Variants in CCDC7 observed in about 807,000 individuals in gnomAD.
The protein encoded by CCDC7 is coiled-coil domain-containing protein 7.
CCDC7 carries 183 observed loss-of-function variants against 196.9 expected under a neutral mutation model. The ratio of observed to expected loss-of-function variants is 0.93; its 90% CI spans 0.82 to 1.05. CCDC7 has a LOEUF of 1.05. Ranked by LOEUF, CCDC7 falls within the 50% of genes least tolerant of loss-of-function variation. CCDC7 has a pLI of 0.00. For missense variants in CCDC7, 1,540 were observed against 1,482.2 expected, an observed-to-expected ratio of 1.04 and a Z score of -0.64; for synonymous variants, 525 against 484.6, an observed-to-expected ratio of 1.08 and a Z score of -1.10.
rs150964381 is a variant in CCDC7, at chr10:32,764,507, T to A, written c.2906-14470T>A. On this transcript the variant is annotated intron_variant, in intron 28 of 41. Coordinates refer to ENST00000639629, the Ensembl canonical transcript of CCDC7. The stretch of plus-strand genomic sequence containing the variant: ...TTGCAGCATGGAGGTTAGAAAGGAC[T>A]GTAACGGTCAGTTTGGTTGGCTGAA... 3.2e-4 allele frequency among the ~76,000 whole-genome samples: 48 copies of A among 152,042 alleles called. No individual in the cohort carries two copies. In the East Asian group the frequency reaches 4.8e-3, roughly 15 times the overall value.
rs776491257 is a variant in CCDC7 at position 32,567,891 on chromosome 10, G to T, written c.1419G>T (p.Gln473His). 2.5e-6 allele frequency: 4 copies of T among 1,609,558 alleles called. No individual in the cohort carries two copies. The African/African-American group carries it at 5.4e-5, about 22-fold the overall frequency. The change falls in exon 15 of 42, where the codon CAG (glutamine) becomes CAT (histidine). Residue 473 changes from glutamine to histidine, a missense_variant and splice_region_variant. By Grantham distance (24) the Gln-to-His change is conservative. Transcript: ENST00000639629. ...GTGATAAAATCCAAGAATATCCACA[G>T]GTGAGGAAATAACCAAAATGGAGAC...
At chr10:32,698,957 AG>A (rs2078178468) in intron 24 of CCDC7, among the ~76,000 whole-genome samples, 1 of 152,200 alleles carries the variant, frequency 6.6e-6, no homozygotes, top group African/African-American at 2.4e-5. Context: ...CTGGAGAGAA[AG>A]TTCGGGTTAA....
chr10:32,622,404 G>A (rs192988393), intron 18 of CCDC7, among the ~76,000 whole-genome samples: 103 of 151,768 alleles, frequency 6.8e-4, no homozygotes, highest in African/African-American at 2.2e-3. Flanking sequence ...AACTCCATTC[G>A]AGCCTTCTCC....
At position 32,550,945 on chromosome 10, in the gene CCDC7, A is replaced by G. The variant is rs541867806; in HGVS notation, c.1134+6644A>G. On this transcript the variant is annotated intron_variant, in intron 13 of 41. Transcript: ENST00000639629. Reference sequence around the variant, plus strand: ...ATTAGGGAGGGTTCCTTCTTTCTCTATCTTAAGGAATAGTGTCAAAAGGAT... The same window carrying G: ...ATTAGGGAGGGTTCCTTCTTTCTCTGTCTTAAGGAATAGTGTCAAAAGGAT... 1.5e-3 allele frequency among the ~76,000 whole-genome samples: 221 copies of G among 152,128 alleles called. 1 individual carries two copies. Among genetic ancestry groups the G allele is most frequent in the African/African-American group, 5.0e-3 (209 of 41,518 alleles).
chr10:32,596,470 G>A (rs1340603127), intron 18 of CCDC7, among the ~76,000 whole-genome samples: 1 of 152,052 alleles, frequency 6.6e-6, no homozygotes, highest in Non-Finnish European at 1.5e-5. Context: ...CACACTGAGG[G>A]TGTTGACTCT....
chr10:32,875,758 A>T (rs1330919641), intron 41 of CCDC7, among the ~76,000 whole-genome samples: 1 of 152,028 alleles, frequency 6.6e-6, no homozygotes, highest in Non-Finnish European at 1.5e-5. Context: ...TAGCTTAAAG[A>T]TGAGTCTTCT....
intron 21 of CCDC7, among the ~76,000 whole-genome samples, chr10:32,671,179 C>T (rs2073992015): frequency 6.6e-6 from 1 of 151,920 alleles, no homozygotes; most frequent in African/African-American, 2.4e-5. Flanking sequence ...TCACCACTCA[C>T]TTACTCACTC....
At chr10:32,550,156 T>G (rs1051678774) in intron 13 of CCDC7, among the ~76,000 whole-genome samples, 3 of 151,948 alleles carry the variant, frequency 2.0e-5, no homozygotes, top group African/African-American at 4.8e-5. Flanking sequence ...TTCTTAAGTT[T>G]TTTTTTTTTT....
intron 28 of CCDC7, among the ~76,000 whole-genome samples, chr10:32,729,897 C>A (rs1414195957): frequency 6.6e-6 from 1 of 151,862 alleles, no homozygotes; most frequent in Non-Finnish European, 1.5e-5. Flanking sequence ...TTGCTTGATA[C>A]GTTTTTTTCA....
intron 20 of CCDC7, among the ~76,000 whole-genome samples, chr10:32,657,969 A>G (rs1175902402): frequency 6.6e-6 from 1 of 152,192 alleles, no homozygotes; most frequent in Non-Finnish European, 1.5e-5. Flanking sequence ...TTGCTAAAGT[A>G]TTGCAAGAGT....
chr10:32,590,064 G>C (rs1290957496), intron 18 of CCDC7, among the ~76,000 whole-genome samples: 1 of 152,002 alleles, frequency 6.6e-6, no homozygotes, highest in Admixed American at 6.6e-5. Context: ...ATTCAGTGTT[G>C]TTATTGATTC....
chr10:32,461,731 G>GTA (rs61624157), intron 3 of CCDC7, among the ~76,000 whole-genome samples: 4,508 of 32,892 alleles, frequency 0.14, 336 homozygotes, highest in African/African-American at 0.31. Context: ...ATATATATAT[G>GTA]TATATATATA....
chr10:32,792,267 T>A (rs147298426), intron 29 of CCDC7, among the ~76,000 whole-genome samples: 6,300 of 152,202 alleles, frequency 0.041, 131 homozygotes, highest in Middle Eastern at 0.065. Flanking sequence ...TATAAACTCA[T>A]CATGGGTAGA....
intron 24 of CCDC7, among the ~76,000 whole-genome samples, chr10:32,707,147 A>G (rs927328968): frequency 2.6e-5 from 4 of 152,182 alleles, no homozygotes; most frequent in Non-Finnish European, 5.9e-5. Context: ...TCATCCCTGG[A>G]ATGCAAGGCT....
At chr10:32,506,380 G>A (rs986349992) in intron 9 of CCDC7, among the ~76,000 whole-genome samples, 14 of 151,724 alleles carry the variant, frequency 9.2e-5, no homozygotes, top group South Asian at 6.2e-4. Context: ...CGGGGCAGCC[G>A]GGCAGAGGGG....
chr10:32,616,429 G>A (rs1452098877), intron 18 of CCDC7, among the ~76,000 whole-genome samples: 1 of 151,784 alleles, frequency 6.6e-6, no homozygotes, highest in Non-Finnish European at 1.5e-5. Context: ...CATTGTGAAT[G>A]GGAATGCCTT....
At chr10:32,716,306 T>C (rs192729243) in intron 25 of CCDC7, among the ~76,000 whole-genome samples, 133 of 152,250 alleles carry the variant, frequency 8.7e-4, no homozygotes, top group African/African-American at 3.2e-3. Context: ...CTAAGCTTCA[T>C]AAGCAAAGGA....
At chr10:32,796,358 C>T (rs1353424741) in intron 29 of CCDC7, among the ~76,000 whole-genome samples, 1 of 152,112 alleles carries the variant, frequency 6.6e-6, no homozygotes. Flanking sequence ...TTAGTAATCT[C>T]CCACCAACTG....
In CCDC7 at chr10:32,743,335, G is replaced by T. The variant is rs191363619; in HGVS notation, c.2905+13878G>T. On this transcript the variant is annotated intron_variant, in intron 28 of 41. Transcript: ENST00000639629. Reference sequence around the variant, plus strand: ...TGTCAGATGAGTAGATTGCAAAAATGTTCTCCCATTCTGTAGGTTACCTGT... The same window carrying T: ...TGTCAGATGAGTAGATTGCAAAAATTTTCTCCCATTCTGTAGGTTACCTGT... 3.8e-3 allele frequency among the ~76,000 whole-genome samples: 580 copies of T among 152,102 alleles called. 5 individuals carry two copies. The highest frequency in any genetic ancestry group is 0.013 in the African/African-American group (558 of 41,514).
Sources: gnomAD v4.1 joint callset for allele counts (sites outside exome capture counted in the v4.1 genomes callset) on GRCh38, gnomAD v4.1.1 for gene constraint, MANE v1.5 for transcripts, NCBI Gene and HGNC (gene_info 2026-07-23, HGNC 2026-07-21) for gene names.